Variants in AOPEP observed in about 807,000 individuals in gnomAD.
AOPEP encodes aminopeptidase O (putative).
Under a neutral mutation model 98.1 loss-of-function variants are expected in AOPEP, and 77 were observed. The ratio of observed to expected loss-of-function variants is 0.78; its 90% CI spans 0.65 to 0.95. AOPEP has a LOEUF of 0.95. Among genes scored for constraint, AOPEP ranks in the 40% least tolerant of loss-of-function variants. AOPEP has a pLI of 0.00. For synonymous variants in AOPEP, 346 were observed against 365.3 expected (o/e 0.95, Z 0.60); for missense variants, 1,024 against 1,024.7 (o/e 1.00, Z 0.01).
At chr9:94,815,411 C>T (rs1292323715) in intron 5 of AOPEP, among the ~76,000 whole-genome samples, 1 of 152,134 alleles carries the variant, frequency 6.6e-6, no homozygotes, top group African/African-American at 2.4e-5. Flanking sequence ...GTAACTTGCC[C>T]CTGTGTCAAT....
chr9:94,953,240 A>T (rs2058233598), intron 7 of AOPEP, among the ~76,000 whole-genome samples: 1 of 152,190 alleles, frequency 6.6e-6, no homozygotes. Context: ...AAAAAAGCTG[A>T]TTCTTTTCAG....
intron 2 of AOPEP, among the ~76,000 whole-genome samples, chr9:94,772,360 G>T (rs1022366058): frequency 6.6e-6 from 1 of 152,198 alleles, no homozygotes; most frequent in Non-Finnish European, 1.5e-5. Context: ...TCCTAATGCT[G>T]TGTCATTGGT....
intron 5 of AOPEP, chr9:94,824,894 A>G (rs1854143775): frequency 1.5e-5 from 1 of 68,906 alleles, no homozygotes; most frequent in Non-Finnish European, 3.1e-5. Flanking sequence ...TTTTTTTTCC[A>G]TTTGACAACA....
At chr9:94,973,261 A>G (rs1415247599) in intron 10 of AOPEP, among the ~76,000 whole-genome samples, 1 of 152,170 alleles carries the variant, frequency 6.6e-6, no homozygotes, top group Admixed American at 6.5e-5. Context: ...AGTGATGAAG[A>G]CATTTCTCTT....
intron 7 of AOPEP, chr9:94,932,189 G>A (rs1264259448): frequency 1.0e-6 from 1 of 988,816 alleles, no homozygotes; most frequent in African/African-American, 1.7e-5. Flanking sequence ...GGCTCTGGAA[G>A]GACATACAGG....
intron 13 of AOPEP, among the ~76,000 whole-genome samples, chr9:95,039,057 G>T (rs1384913906): frequency 6.6e-6 from 1 of 152,160 alleles, no homozygotes; most frequent in African/African-American, 2.4e-5. Flanking sequence ...GAGGGTTATT[G>T]TGGGCCTTCT....
At chr9:95,135,894 T>C in the AOPEP span, among the ~76,000 whole-genome samples, 2 of 152,188 alleles carry the variant, frequency 1.3e-5, no homozygotes, top group Non-Finnish European at 2.9e-5. Context: ...GATGCGGACC[T>C]GGGTTTCGGT....
chr9:95,122,151 C>T, the AOPEP span, among the ~76,000 whole-genome samples: 1 of 152,118 alleles, frequency 6.6e-6, no homozygotes, highest in Admixed American at 6.5e-5. Context: ...AGCCACCACG[C>T]CTGGCACATA....
intron 10 of AOPEP, among the ~76,000 whole-genome samples, chr9:94,978,919 T>G (rs1263129754): frequency 6.6e-6 from 1 of 152,052 alleles, no homozygotes; most frequent in Non-Finnish European, 1.5e-5. Context: ...CTGATAGTGA[T>G]TTGTATTATT....
chr9:95,073,326 C>T (rs1450458624), intron 14 of AOPEP, among the ~76,000 whole-genome samples: 2 of 151,958 alleles, frequency 1.3e-5, no homozygotes, highest in East Asian at 1.9e-4. Context: ...TTGCCTGAGC[C>T]GACGAGGGTC....
the AOPEP span, chr9:95,099,253 T>TATCA: frequency 1.4e-5 from 3 of 219,060 alleles, no homozygotes; most frequent in East Asian, 1.3e-4. Flanking sequence ...AAAACTAAAC[T>TATCA]ATCAGGGAGA....
chr9:94,877,660 A>G (rs1482619308), intron 5 of AOPEP, among the ~76,000 whole-genome samples: 2 of 152,060 alleles, frequency 1.3e-5, no homozygotes, highest in East Asian at 1.9e-4. Flanking sequence ...ACCTCAAGTG[A>G]TCTGCCCACC....
chr9:95,076,001 G>C (rs2069022093), intron 14 of AOPEP, among the ~76,000 whole-genome samples: 1 of 152,236 alleles, frequency 6.6e-6, no homozygotes, highest in African/African-American at 2.4e-5. Context: ...AGCTCTCTCT[G>C]TTCCAGAAAT....
intron 9 of AOPEP, 75 bp downstream of exon 9, chr9:94,956,090 G>A (rs1467445345): frequency 3.7e-6 from 3 of 816,888 alleles, no homozygotes; most frequent in African/African-American, 1.7e-5. Context: ...GATTATGCCA[G>A]TATTAAAGAG....
At chr9:94,764,669 A>C (rs10993339) in intron 2 of AOPEP, among the ~76,000 whole-genome samples, 2,156 of 152,152 alleles carry the variant, frequency 0.014, 48 homozygotes, top group East Asian at 0.089. Flanking sequence ...AAAATAAATA[A>C]AATAAAAGTA....
intron 5 of AOPEP, among the ~76,000 whole-genome samples, chr9:94,909,028 A>G (rs1020343002): frequency 2.6e-5 from 4 of 152,124 alleles, no homozygotes; most frequent in Non-Finnish European, 5.9e-5. Flanking sequence ...AAAATAAGCA[A>G]TGTTCCCCAT....
At chr9:94,992,138 C>T (rs935985008) in intron 11 of AOPEP, among the ~76,000 whole-genome samples, 3 of 152,216 alleles carry the variant, frequency 2.0e-5, no homozygotes, top group Admixed American at 6.5e-5. Context: ...TCAGAGAGCA[C>T]AAAGGTGGTG....
At chr9:94,800,547 CT>C (rs1397553003) in intron 4 of AOPEP, among the ~76,000 whole-genome samples, 1 of 152,176 alleles carries the variant, frequency 6.6e-6, no homozygotes, top group African/African-American at 2.4e-5. Context: ...TGAAGCTAGT[CT>C]ATTGATTCAA....
intron 5 of AOPEP, among the ~76,000 whole-genome samples, chr9:94,814,001 G>C (rs1418255462): frequency 6.6e-6 from 1 of 152,184 alleles, no homozygotes; most frequent in African/African-American, 2.4e-5. Flanking sequence ...CATGCACAAG[G>C]GGGGCTGGGG....
Sources: gnomAD v4.1 joint callset for allele counts (sites outside exome capture counted in the v4.1 genomes callset) on GRCh38, gnomAD v4.1.1 for gene constraint, MANE v1.5 for transcripts, NCBI Gene and HGNC (gene_info 2026-07-23, HGNC 2026-07-21) for gene names.